TTC29: variants seen among roughly 807,000 people sequenced by gnomAD.
TTC29 encodes the protein tetratricopeptide repeat domain 29, also known as tetratricopeptide repeat protein 29.
Under a neutral mutation model 58.1 loss-of-function variants are expected in TTC29, and 49 were observed. The observed-to-expected ratio is 0.84, with a 90% CI of 0.67 to 1.07. The LOEUF (loss-of-function observed/expected upper bound fraction) is 1.07. Ranked by LOEUF, TTC29 falls within the 50% of genes least tolerant of loss-of-function variation. TTC29 has a pLI of 0.00. For missense variants in TTC29, 582 were observed against 555.6 expected, an observed-to-expected ratio of 1.05 and a Z score of -0.48; for synonymous variants, 209 against 196.8, an observed-to-expected ratio of 1.06 and a Z score of -0.52.
At chr4:146,882,091 T>C (rs1030676020) in intron 6 of TTC29, among the ~76,000 whole-genome samples, 2 of 151,884 alleles carry the variant, frequency 1.3e-5, no homozygotes, top group African/African-American at 2.4e-5. Context: ...TCACCCAGGG[T>C]TTTATTACTG....
At position 146,748,713 on chromosome 4, in the gene TTC29, C is replaced by T. The variant is rs78334897; in HGVS notation, c.1331-41162G>A. On this transcript the variant is annotated intron_variant, in intron 11 of 12. Coordinates refer to ENST00000325106, the MANE Select transcript of TTC29 (RefSeq NM_031956.4). ...ACAAGAGTCATCACACCCTGCCCAA[C>T]TGGCATTGTCTCAGGCCAATCTGCA... is the stretch of plus-strand genomic sequence containing the variant. 4.2e-3 allele frequency among the ~76,000 whole-genome samples: 643 copies of T among 152,260 alleles called. 3 individuals are homozygous for T. The highest frequency in any genetic ancestry group is 0.015 in the African/African-American group (607 of 41,568).
intron 11 of TTC29, among the ~76,000 whole-genome samples, chr4:146,757,170 G>A (rs1471876841): frequency 1.3e-5 from 2 of 151,998 alleles, no homozygotes; most frequent in Admixed American, 6.6e-5. Context: ...ATCTGTCAGA[G>A]GGAAGGTCTA....
intron 11 of TTC29, among the ~76,000 whole-genome samples, chr4:146,724,334 CCA>C (rs1207482390): frequency 6.6e-6 from 1 of 151,864 alleles, no homozygotes; most frequent in African/African-American, 2.4e-5. Context: ...CAGAATATGT[CCA>C]AGTAACAAAC....
chr4:146,800,942 A>G (rs1249809862), intron 11 of TTC29, among the ~76,000 whole-genome samples: 1 of 152,212 alleles, frequency 6.6e-6, no homozygotes, highest in Non-Finnish European at 1.5e-5. Flanking sequence ...TCAATGTGGG[A>G]CAGAGAAGAG....
chr4:146,827,788 GCT>G (rs1455548949), intron 9 of TTC29, among the ~76,000 whole-genome samples: 1 of 152,150 alleles, frequency 6.6e-6, no homozygotes, highest in East Asian at 1.9e-4. Context: ...CACATTCACA[GCT>G]CTCTACTTGA....
chr4:146,906,742 A>C (rs1733545578), intron 5 of TTC29, among the ~76,000 whole-genome samples: 1 of 152,214 alleles, frequency 6.6e-6, no homozygotes, highest in South Asian at 2.1e-4. Flanking sequence ...CTTTTGTAAT[A>C]ATTTTAATTT....
intron 1 of TTC29, among the ~76,000 whole-genome samples, 194 bp from the exon 2 acceptor site, chr4:146,945,271 A>C (rs1736823510): frequency 6.6e-6 from 1 of 152,222 alleles, no homozygotes; most frequent in Non-Finnish European, 1.5e-5. Context: ...TAATCACTAA[A>C]TCAGTGAAAT....
chr4:146,913,647 C>G (rs754330089), intron 4 of TTC29, among the ~76,000 whole-genome samples: 5 of 152,130 alleles, frequency 3.3e-5, no homozygotes, highest in African/African-American at 4.8e-5. Context: ...TGACAAGATT[C>G]TCTCGTAGTT....
At chr4:146,858,847 C>T (rs6537434) in intron 8 of TTC29, among the ~76,000 whole-genome samples, 48,343 of 151,888 alleles carry the variant, frequency 0.32, 8,308 homozygotes, top group African/African-American at 0.45. Context: ...TCTGGGATTC[C>T]ATGCTTGATT....
intron 11 of TTC29, chr4:146,764,068 G>A (rs1378205356): frequency 6.6e-6 from 1 of 152,008 alleles, no homozygotes; most frequent in Non-Finnish European, 1.5e-5. Flanking sequence ...ACAACATGGA[G>A]GATATACCCC....
intron 5 of TTC29, among the ~76,000 whole-genome samples, chr4:146,904,896 C>A (rs960890949): frequency 9.2e-5 from 14 of 152,118 alleles, no homozygotes; most frequent in Non-Finnish European, 1.9e-4. Flanking sequence ...TAAGTCACCC[C>A]AATGTTTCAA....
intron 8 of TTC29, among the ~76,000 whole-genome samples, chr4:146,841,351 G>A (rs1728838265): frequency 6.6e-6 from 1 of 152,090 alleles, no homozygotes; most frequent in African/African-American, 2.4e-5. Context: ...TGCATGCACA[G>A]CTCAAACTAC....
chr4:146,917,687 A>G (rs1051780228), intron 4 of TTC29, among the ~76,000 whole-genome samples: 1 of 101,258 alleles, frequency 9.9e-6, no homozygotes, highest in Non-Finnish European at 2.3e-5. Context: ...ATTTTATATT[A>G]TATTACTTAT....
In TTC29 at chr4:146,939,852, G is replaced by GT. The variant is rs777133523; in HGVS notation, c.43dup (p.Thr15AsnfsTer26). On this transcript the variant is annotated frameshift_variant, in exon 3 of 13. Transcript: ENST00000325106. LOFTEE classifies it high-confidence loss of function. ...AGGCAGCTTCTGTCTGGCTAAGGCT[G>GT]TAAGCTTCGGGCGTGTCATGGGCAG... 4.0e-5 allele frequency: 65 copies of GT among 1,613,304 alleles called. No homozygotes were observed. Among genetic ancestry groups the GT allele is most frequent in the Non-Finnish European group, 5.3e-5 (62 of 1,179,688 alleles).
intron 11 of TTC29, among the ~76,000 whole-genome samples, chr4:146,711,161 C>G (rs79760152): frequency 3.3e-5 from 5 of 151,932 alleles, no homozygotes; most frequent in Admixed American, 1.3e-4. Context: ...AGACTAGACC[C>G]CTGGTAATGG....
At chr4:146,902,586 C>A (rs183019492) in intron 6 of TTC29, among the ~76,000 whole-genome samples, 180 of 152,270 alleles carry the variant, frequency 1.2e-3, no homozygotes, top group Non-Finnish European at 2.2e-3. Context: ...TATTTATTTA[C>A]AAGCCTAAAT....
chr4:146,730,651 G>A (rs1274456599), intron 11 of TTC29, among the ~76,000 whole-genome samples: 9 of 152,166 alleles, frequency 5.9e-5, no homozygotes, highest in Non-Finnish European at 1.3e-4. Context: ...TGTAAGCCAT[G>A]TGAAGGAAGA....
At chr4:146,872,337 C>T (rs1020499619) in intron 7 of TTC29, among the ~76,000 whole-genome samples, 2 of 151,906 alleles carry the variant, frequency 1.3e-5, no homozygotes, top group African/African-American at 4.8e-5. Flanking sequence ...TTGGTCAAAG[C>T]CTTCTTATTG....
At chr4:146,942,730 CA>C in intron 2 of TTC29, 1 of 971,386 alleles carries the variant, frequency 1.0e-6, no homozygotes, top group Non-Finnish European at 1.5e-6. Flanking sequence ...AAGTTTGCCT[CA>C]TTTGGGGCAT....
Sources: gnomAD v4.1 joint callset for allele counts (sites outside exome capture counted in the v4.1 genomes callset) on GRCh38, gnomAD v4.1.1 for gene constraint, MANE v1.5 for transcripts, NCBI Gene and HGNC (gene_info 2026-07-23, HGNC 2026-07-21) for gene names.